Variants in CCDC148 observed in about 807,000 individuals in gnomAD.
The protein encoded by CCDC148 is coiled-coil domain-containing protein 148.
Under a neutral mutation model 85.7 loss-of-function variants are expected in CCDC148, and 89 were observed. The observed-to-expected ratio is 1.04, with a 90% CI of 0.87 to 1.24. CCDC148 has a LOEUF of 1.24. CCDC148 is among the 50% of genes most tolerant of loss of function. The pLI is 0.00. For missense variants in CCDC148, 692 were observed against 671.7 expected, an observed-to-expected ratio of 1.03 and a Z score of -0.33; for synonymous variants, 230 against 213.9, an observed-to-expected ratio of 1.08 and a Z score of -0.66.
intron 11 of CCDC148, among the ~76,000 whole-genome samples, chr2:158,199,030 G>A (rs1521874): frequency 0.018 from 2,783 of 152,174 alleles, 80 homozygotes; most frequent in African/African-American, 0.059. Context: ...TAAGCATAAA[G>A]GGATCTGCTT....
intron 9 of CCDC148, among the ~76,000 whole-genome samples, chr2:158,262,166 G>A (rs961217678): frequency 3.3e-5 from 5 of 152,124 alleles, no homozygotes; most frequent in East Asian, 1.9e-4. Context: ...ATACACCATC[G>A]AATACTATGC....
At chr2:158,405,683 A>G (rs574786578) in intron 1 of CCDC148, among the ~76,000 whole-genome samples, 2 of 152,314 alleles carry the variant, frequency 1.3e-5, no homozygotes, top group South Asian at 2.1e-4. Context: ...GAACAGTTCA[A>G]TAAGATTGGA....
intron 9 of CCDC148, among the ~76,000 whole-genome samples, chr2:158,256,843 C>T (rs1429451003): frequency 6.6e-6 from 1 of 151,732 alleles, no homozygotes; most frequent in East Asian, 1.9e-4. Context: ...CTCTACTTCT[C>T]TAGCACATTG....
At chr2:158,302,969 T>C (rs929577015) in intron 9 of CCDC148, among the ~76,000 whole-genome samples, 1 of 152,074 alleles carries the variant, frequency 6.6e-6, no homozygotes, top group Non-Finnish European at 1.5e-5. Flanking sequence ...TTCCTCCCTT[T>C]ACTCTCATCC....
chr2:158,190,242 T>G (rs1685358060), intron 11 of CCDC148, among the ~76,000 whole-genome samples: 1 of 152,092 alleles, frequency 6.6e-6, no homozygotes, highest in Admixed American at 6.6e-5. Flanking sequence ...ATCATGATTT[T>G]GGAGGGACAG....
chr2:158,352,443 A>G (rs1165992790), intron 2 of CCDC148, among the ~76,000 whole-genome samples: 1 of 152,236 alleles, frequency 6.6e-6, no homozygotes, highest in African/African-American at 2.4e-5. Flanking sequence ...AAGCCTCAGG[A>G]GCCAATGCGA....
At chr2:158,421,178 A>G (rs1397939000) in intron 1 of CCDC148, among the ~76,000 whole-genome samples, 1 of 152,182 alleles carries the variant, frequency 6.6e-6, no homozygotes, top group Non-Finnish European at 1.5e-5. Context: ...AGACAGATCA[A>G]CGAGACAGAA....
chr2:158,333,857 T>C (rs1480903872), intron 7 of CCDC148, among the ~76,000 whole-genome samples: 2 of 152,124 alleles, frequency 1.3e-5, no homozygotes, highest in Non-Finnish European at 2.9e-5. Flanking sequence ...AGTTGGGTAG[T>C]ATCAGTCCTC....
intron 10 of CCDC148, among the ~76,000 whole-genome samples, chr2:158,250,141 C>G (rs1268178073): frequency 1.3e-5 from 2 of 151,944 alleles, no homozygotes; most frequent in Non-Finnish European, 2.9e-5. Context: ...ATAAGTATCT[C>G]ACATATATAT....
intron 9 of CCDC148, among the ~76,000 whole-genome samples, chr2:158,300,387 C>T (rs1293386834): frequency 6.6e-6 from 1 of 152,118 alleles, no homozygotes; most frequent in African/African-American, 2.4e-5. Flanking sequence ...CCTGTTTGCA[C>T]TTCTTTTGGG....
chr2:158,251,037 T>A (rs1688772626), intron 9 of CCDC148, 125 bp from the exon 10 acceptor site: 1 of 816,590 alleles, frequency 1.2e-6, no homozygotes, highest in Admixed American at 2.9e-5. Flanking sequence ...GTTTAAATTC[T>A]ATGTGCACAT....
At position 158,171,936 on chromosome 2, in the gene CCDC148, C is replaced by T; in HGVS notation, c.*177G>A. On this transcript the variant is annotated 3_prime_UTR_variant, in exon 14 of 14. Coordinates refer to ENST00000283233, the MANE Select transcript of CCDC148 (RefSeq NM_138803.4). ...TACTATTAAATATAACTTAAAGATA[C>T]AGGAAATATAGTGCATAAAATTCTA... is the stretch of plus-strand genomic sequence containing the variant. 2.0e-6 allele frequency: 1 copy of T among 490,756 alleles called. No homozygotes were observed. Among genetic ancestry groups the T allele is most frequent in the Non-Finnish European group, 3.5e-6 (1 of 283,710 alleles). 30.4% of individuals were successfully genotyped at this position (490,756 alleles called of 1,614,324 possible).
At chr2:158,231,944 A>G (rs1347639945) in intron 10 of CCDC148, among the ~76,000 whole-genome samples, 2 of 152,166 alleles carry the variant, frequency 1.3e-5, no homozygotes, top group Non-Finnish European at 2.9e-5. Context: ...CAAGCCTCAA[A>G]CTGAAGTCAA....
intron 10 of CCDC148, among the ~76,000 whole-genome samples, chr2:158,233,023 G>A (rs1179803014): frequency 6.6e-6 from 1 of 152,094 alleles, no homozygotes; most frequent in Non-Finnish European, 1.5e-5. Flanking sequence ...TATTCGGAAT[G>A]TTTCCAACAT....
intron 1 of CCDC148, chr2:158,424,831 T>C (rs574521404): frequency 1.9e-4 from 37 of 195,464 alleles, no homozygotes; most frequent in Non-Finnish European, 3.1e-4. Context: ...TTTGAAAATA[T>C]TGAAATTCCC....
At chr2:158,245,962 T>C (rs1298597730) in intron 10 of CCDC148, among the ~76,000 whole-genome samples, 1 of 152,196 alleles carries the variant, frequency 6.6e-6, no homozygotes, top group African/African-American at 2.4e-5. Flanking sequence ...ACTTGAGTTT[T>C]AAAGCATAGA....
intron 10 of CCDC148, among the ~76,000 whole-genome samples, chr2:158,231,929 C>T (rs1249962288): frequency 6.6e-6 from 1 of 152,162 alleles, no homozygotes; most frequent in Admixed American, 6.6e-5. Context: ...GAATTATTAG[C>T]TTTGCAAGCC....
At chr2:158,424,583 G>A (rs1271786859) in intron 1 of CCDC148, 2 of 154,056 alleles carry the variant, frequency 1.3e-5, no homozygotes, top group Non-Finnish European at 2.9e-5. Context: ...GGGGGGAGTG[G>A]GGAGGGATAA....
chr2:158,372,472 C>T (rs1328349557), intron 1 of CCDC148, among the ~76,000 whole-genome samples: 1 of 151,952 alleles, frequency 6.6e-6, no homozygotes, highest in Non-Finnish European at 1.5e-5. Context: ...TACCACTTAT[C>T]TTCCTACATG....
Sources: gnomAD v4.1 joint callset for allele counts (sites outside exome capture counted in the v4.1 genomes callset) on GRCh38, gnomAD v4.1.1 for gene constraint, MANE v1.5 for transcripts, NCBI Gene and HGNC (gene_info 2026-07-23, HGNC 2026-07-21) for gene names.